Variants in SIPA1L2 observed in about 807,000 individuals in gnomAD.
SIPA1L2 encodes signal-induced proliferation-associated 1-like protein 2.
A neutral mutation model predicts 163.9 loss-of-function variants in SIPA1L2; 56 were observed. That is an observed-to-expected ratio of 0.34 (90% CI 0.28 to 0.43). SIPA1L2 has a LOEUF of 0.43. Ranked by LOEUF, SIPA1L2 falls within the 20% of genes least tolerant of loss-of-function variation. The pLI is 1.00. For synonymous variants in SIPA1L2, 877 were observed against 865.7 expected (o/e 1.01, Z -0.23); for missense variants, 1,974 against 2,193.5 (o/e 0.90, Z 2.00).
At chr1:232,541,081 A>G (rs1657629308) in intron 2 of SIPA1L2, among the ~76,000 whole-genome samples, 1 of 152,116 alleles carries the variant, frequency 6.6e-6, no homozygotes, top group Admixed American at 6.6e-5. Flanking sequence ...AACAACACAC[A>G]CTGGGGCCAA....
chr1:232,449,620 G>A (rs1199502549), intron 10 of SIPA1L2, among the ~76,000 whole-genome samples: 1 of 152,002 alleles, frequency 6.6e-6, no homozygotes, highest in East Asian at 1.9e-4. Flanking sequence ...AAAAAAAAGG[G>A]GGAGAAAATT....
intron 15 of SIPA1L2, among the ~76,000 whole-genome samples, chr1:232,434,671 CTG>C (rs1662446896): frequency 6.6e-6 from 1 of 152,204 alleles, no homozygotes; most frequent in African/African-American, 2.4e-5. Context: ...AACATGAAAA[CTG>C]TGTGTCTAGA....
At chr1:232,603,484 G>A (rs1200573767) in intron 1 of SIPA1L2, among the ~76,000 whole-genome samples, 2 of 152,110 alleles carry the variant, frequency 1.3e-5, no homozygotes, top group Admixed American at 1.3e-4. Context: ...AGAGGTAAAC[G>A]TTTGAACAGC....
Position 232,441,276 on chromosome 1 carries a change from G to T in SIPA1L2, c.3642+15C>A. ...CTGGCTAGGCCAGTGAAGGGCTTAT[G>T]AACAAAGGACTTACGTGAGAAAGCT... On this transcript the variant is annotated intron_variant, in intron 14 of 22. Transcript: ENST00000674635. The T allele has an allele frequency of 6.3e-7, 1 of 1,582,734 alleles. No homozygotes were observed. Among genetic ancestry groups the T allele is most frequent in the South Asian group, 1.2e-5 (1 of 86,162 alleles).
intron 3 of SIPA1L2, among the ~76,000 whole-genome samples, chr1:232,499,219 A>G (rs1666345895): frequency 1.3e-5 from 2 of 152,222 alleles, no homozygotes; most frequent in African/African-American, 4.8e-5. Flanking sequence ...GAAAAGCTAA[A>G]AACGATTACG....
At chr1:232,586,353 T>C (rs1024684002) in intron 1 of SIPA1L2, among the ~76,000 whole-genome samples, 2 of 152,158 alleles carry the variant, frequency 1.3e-5, no homozygotes, top group African/African-American at 4.8e-5. Flanking sequence ...TAATATTTTA[T>C]CAGATGTCAT....
chr1:232,442,494 G>A (rs1662962400), intron 12 of SIPA1L2, among the ~76,000 whole-genome samples: 2 of 148,920 alleles, frequency 1.3e-5, no homozygotes, highest in South Asian at 4.2e-4. Flanking sequence ...GTTGCAGTGA[G>A]CCAAGATCAT....
chr1:232,553,371 G>A (rs1658512915), intron 2 of SIPA1L2, among the ~76,000 whole-genome samples: 1 of 152,192 alleles, frequency 6.6e-6, no homozygotes, highest in Non-Finnish European at 1.5e-5. Context: ...GGGTTTATAT[G>A]GGTACAGGAC....
chr1:232,552,247 C>T (rs1030571264), intron 2 of SIPA1L2, among the ~76,000 whole-genome samples: 31 of 152,136 alleles, frequency 2.0e-4, no homozygotes, highest in African/African-American at 7.2e-4. Flanking sequence ...TTTATTAATA[C>T]TGATAACAAT....
chr1:232,504,493 G>A (rs1311259432), intron 3 of SIPA1L2, among the ~76,000 whole-genome samples: 4 of 151,890 alleles, frequency 2.6e-5, no homozygotes, highest in Middle Eastern at 3.2e-3. Context: ...AGCCGAGATC[G>A]TGCCACTGCA....
At chr1:232,425,870 G>A in intron 17 of SIPA1L2, 62 bp from the exon 18 acceptor site, 2 of 1,406,418 alleles carry the variant, frequency 1.4e-6, no homozygotes, top group African/African-American at 1.4e-5. Flanking sequence ...CACGGGGCTT[G>A]TTGGACTAAG....
intron 16 of SIPA1L2, among the ~76,000 whole-genome samples, 160 bp from the exon 17 acceptor site, chr1:232,428,724 T>C (rs1472583765): frequency 6.6e-6 from 1 of 152,208 alleles, no homozygotes; most frequent in Non-Finnish European, 1.5e-5. Flanking sequence ...CAAATTCCCA[T>C]GCCATTTCAC....
chr1:232,597,513 T>C (rs1371176792), intron 1 of SIPA1L2, among the ~76,000 whole-genome samples: 8 of 127,960 alleles, frequency 6.3e-5, no homozygotes, highest in Non-Finnish European at 1.2e-4. Context: ...CCGTCTCTAC[T>C]AAAAAATACC....
intron 2 of SIPA1L2, among the ~76,000 whole-genome samples, chr1:232,531,256 C>T (rs1278185465): frequency 1.4e-5 from 2 of 144,252 alleles, no homozygotes; most frequent in African/African-American, 5.5e-5. Context: ...CAACCAAAAC[C>T]ACTTAAGACC....
chr1:232,601,515 G>T (rs982551266), intron 1 of SIPA1L2, among the ~76,000 whole-genome samples: 13 of 152,198 alleles, frequency 8.5e-5, no homozygotes, highest in Admixed American at 4.6e-4. Flanking sequence ...CTTCTTTGAT[G>T]ATTAATTATA....
rs1665514761 is a variant in SIPA1L2 at position 232,483,945 on chromosome 1, C to T, written c.1828G>A (p.Gly610Arg). ...TGGCCTGCTTTGCAATAAAGGATCC[C>T]GATCTTGTGCTGAAAGCTCAGCTGA... ...EQGLSFQHKI[G>R]ILYCKAGQST... is the part of the protein sequence containing the mutation. The change falls in exon 6 of 23, where the codon GGG becomes AGG. Residue 610 changes from glycine (G) to arginine (R), a missense_variant. This residue lies in a region of SIPA1L2 where 288 missense variants were observed against 418.9 expected (regional missense o/e 0.69). Transcript: ENST00000674635. 1.2e-6 allele frequency: 2 copies of T among 1,610,762 alleles called. No homozygotes were observed. The highest frequency in any genetic ancestry group is 1.7e-4 in the Middle Eastern group (1 of 6,050).
intron 18 of SIPA1L2, among the ~76,000 whole-genome samples, chr1:232,417,105 G>A (rs1165424142): frequency 1.3e-5 from 2 of 152,126 alleles, no homozygotes; most frequent in Non-Finnish European, 1.5e-5. Context: ...AAGTAAGGGG[G>A]CATAATTAAC....
At chr1:232,459,885 T>C (rs1664135927) in intron 10 of SIPA1L2, among the ~76,000 whole-genome samples, 2 of 152,218 alleles carry the variant, frequency 1.3e-5, no homozygotes, top group South Asian at 4.1e-4. Flanking sequence ...TTTACATGTG[T>C]TACTTTATTT....
Position 232,557,676 on chromosome 1 carries a change from C to T in SIPA1L2, c.-270+16498G>A, listed in dbSNP as rs557340122. On this transcript the variant is annotated intron_variant, in intron 2 of 22. Transcript: ENST00000674635. ...TTGCCCTATTCCGTGTTCTGAGAGACACAACCCAACATTACCATTATTTAT... is the reference window on the plus strand; with the variant it reads ...TTGCCCTATTCCGTGTTCTGAGAGATACAACCCAACATTACCATTATTTAT... Among the ~76,000 whole-genome samples the T allele has an allele frequency of 4.6e-5, 7 of 152,346 alleles. No individual in the cohort carries two copies. The South Asian group carries it at 1.5e-3, about 32-fold the overall frequency.
Sources: gnomAD v4.1 joint callset for allele counts (sites outside exome capture counted in the v4.1 genomes callset) on GRCh38, gnomAD v4.1.1 for gene constraint, gnomAD v4.1.1 regional missense constraint, MANE v1.5 for transcripts, NCBI Gene and HGNC (gene_info 2026-07-23, HGNC 2026-07-21) for gene names.